PARN: variants seen among roughly 807,000 people sequenced by gnomAD.
PARN encodes poly(A)-specific ribonuclease PARN.
A neutral mutation model predicts 102.8 loss-of-function variants in PARN; 71 were observed. The observed-to-expected ratio is 0.69, with a 90% CI of 0.57 to 0.84. The LOEUF (loss-of-function observed/expected upper bound fraction) is 0.84, where lower values mean the gene tolerates loss of function less well. PARN is among the 40% of genes least tolerant of loss of function. The pLI is 0.00. For missense variants in PARN, 782 were observed against 760.9 expected (o/e 1.03, Z -0.33); for synonymous variants, 261 against 252.9 (o/e 1.03, Z -0.30).
chr16:14,532,702 GC>G (rs1304125070), intron 21 of PARN, among the ~76,000 whole-genome samples: 1 of 151,894 alleles, frequency 6.6e-6, no homozygotes, highest in Non-Finnish European at 1.5e-5. Context: ...AGACGGGGGG[GC>G]GACCGGGCAG....
intron 22 of PARN, among the ~76,000 whole-genome samples, chr16:14,452,740 C>G (rs184735635): frequency 6.6e-6 from 1 of 152,312 alleles, no homozygotes; most frequent in African/African-American, 2.4e-5. Flanking sequence ...TGAGAAAGCT[C>G]TCAGATATAT....
At chr16:14,541,506 C>T (rs1448884509) in intron 21 of PARN, among the ~76,000 whole-genome samples, 3 of 152,100 alleles carry the variant, frequency 2.0e-5, no homozygotes, top group Non-Finnish European at 4.4e-5. Context: ...GATGGAGTCT[C>T]GCTCTGTCAC....
At chr16:14,532,533 C>T (rs1340176758) in intron 21 of PARN, among the ~76,000 whole-genome samples, 2 of 151,692 alleles carry the variant, frequency 1.3e-5, no homozygotes, top group African/African-American at 4.8e-5. Context: ...TTTCTTAGTA[C>T]AGAGCAAAAC....
At chr16:14,573,953 C>T (rs185187016) in intron 18 of PARN, among the ~76,000 whole-genome samples, 17 of 152,080 alleles carry the variant, frequency 1.1e-4, no homozygotes, top group East Asian at 1.9e-4. Context: ...GGTACTGGGG[C>T]GGGAGAGGGG....
chr16:14,530,383 G>C (rs759967898), intron 21 of PARN, among the ~76,000 whole-genome samples: 1 of 152,106 alleles, frequency 6.6e-6, no homozygotes, highest in Non-Finnish European at 1.5e-5. Context: ...ACCTGGAAAA[G>C]AGTAATTCTT....
intron 21 of PARN, among the ~76,000 whole-genome samples, chr16:14,504,628 G>A (rs886962370): frequency 3.9e-5 from 6 of 152,058 alleles, no homozygotes; most frequent in African/African-American, 1.4e-4. Context: ...GAAAAAATAC[G>A]CTTTCAAAGC....
intron 21 of PARN, among the ~76,000 whole-genome samples, chr16:14,525,298 G>A (rs1263031938): frequency 6.6e-6 from 1 of 152,142 alleles, no homozygotes; most frequent in Non-Finnish European, 1.5e-5. Context: ...GAAAACTCAG[G>A]ATGCCTAGTT....
chr16:14,609,240 T>C (rs763058260), intron 7 of PARN, 117 bp from the exon 8 acceptor site: 17 of 585,804 alleles, frequency 2.9e-5, no homozygotes, highest in Non-Finnish European at 4.8e-5. Flanking sequence ...AATGTAATTC[T>C]ACCAAATTAC....
intron 11 of PARN, among the ~76,000 whole-genome samples, chr16:14,603,391 T>G (rs1970994494): frequency 6.6e-6 from 1 of 152,306 alleles, no homozygotes; most frequent in East Asian, 1.9e-4. Flanking sequence ...AATGTACATA[T>G]GAGCATGACA....
chr16:14,573,728 G>A (rs1398423443), intron 18 of PARN, among the ~76,000 whole-genome samples: 1 of 152,188 alleles, frequency 6.6e-6, no homozygotes, highest in African/African-American at 2.4e-5. Context: ...TAGTGAGTGA[G>A]TCTCACGAGA....
chr16:14,628,955 T>C (rs560480735), intron 2 of PARN, among the ~76,000 whole-genome samples: 1 of 152,342 alleles, frequency 6.6e-6, no homozygotes, highest in East Asian at 1.9e-4. Context: ...TACACACCTG[T>C]TGAGGCAGGC....
At chr16:14,566,133 C>G (rs1968411994) in intron 18 of PARN, among the ~76,000 whole-genome samples, 4 of 152,214 alleles carry the variant, frequency 2.6e-5, no homozygotes, top group Admixed American at 2.6e-4. Flanking sequence ...GATATGTCCA[C>G]TTTCTACTCC....
chr16:14,629,454 T>TTTCA, intron 2 of PARN, 143 bp downstream of exon 2: 1 of 647,128 alleles, frequency 1.5e-6, no homozygotes. Flanking sequence ...GTTTAAAGGG[T>TTTCA]AACACTGAGA....
intron 18 of PARN, among the ~76,000 whole-genome samples, chr16:14,574,182 G>A (rs763405669): frequency 6.6e-6 from 1 of 151,836 alleles, no homozygotes; most frequent in Non-Finnish European, 1.5e-5. Flanking sequence ...AAACTTTTTG[G>A]GAACTGGAGC....
chr16:14,628,150 A>G, intron 3 of PARN, 22 bp downstream of exon 3: 1 of 1,381,022 alleles, frequency 7.2e-7, no homozygotes, highest in Non-Finnish European at 1.0e-6. Context: ...AAAGAAAAAG[A>G]TTTCCTAGCA....
chr16:14,458,880 A>C (rs1267453297), intron 22 of PARN, among the ~76,000 whole-genome samples: 1 of 152,180 alleles, frequency 6.6e-6, no homozygotes, highest in East Asian at 1.9e-4. Context: ...AATGGTGAAG[A>C]GTGACAGTGA....
rs75808560 is a variant in PARN, at chr16:14,469,801, G to A, written c.1670+12837C>T. Among the ~76,000 whole-genome samples, 19 of 151,760 alleles carry A rather than the reference G, an allele frequency of 1.3e-4. 1 individual carries two copies. In the East Asian group the frequency reaches 3.5e-3, roughly 28 times the overall value. On this transcript the variant is annotated intron_variant, in intron 22 of 23. Coordinates refer to ENST00000437198, the MANE Select transcript of PARN (RefSeq NM_002582.4). ...TTTATACATTTTATGCTTTATTTCC[G>A]CTAACACCACTATAAATTATACAGG... is the stretch of plus-strand genomic sequence containing the variant.
At chr16:14,561,890 G>A (rs952786381) in intron 18 of PARN, among the ~76,000 whole-genome samples, 11 of 152,366 alleles carry the variant, frequency 7.2e-5, no homozygotes, top group Admixed American at 4.6e-4. Context: ...AGTGGCTTAC[G>A]CCTGTAATCC....
chr16:14,501,948 A>G (rs1964641515), intron 21 of PARN, among the ~76,000 whole-genome samples: 1 of 152,224 alleles, frequency 6.6e-6, no homozygotes, highest in Non-Finnish European at 1.5e-5. Flanking sequence ...TCAGCTCTCT[A>G]GAGGCCTTAG....
Sources: allele counts gnomAD v4.1 joint callset (sites outside exome capture counted in the v4.1 genomes callset), GRCh38; gene constraint gnomAD v4.1.1; transcripts MANE v1.5; gene names NCBI Gene and HGNC (gene_info 2026-07-23, HGNC 2026-07-21).